Variants in VSIG1 observed in about 807,000 individuals in gnomAD.
VSIG1 encodes the protein V-set and immunoglobulin domain-containing protein 1.
A neutral mutation model predicts 20.1 loss-of-function variants in VSIG1; 11 were observed. The ratio of observed to expected loss-of-function variants is 0.55; its 90% CI spans 0.34 to 0.91. The LOEUF (loss-of-function observed/expected upper bound fraction) is 0.91, where lower values mean the gene tolerates loss of function less well. Among genes scored for constraint, VSIG1 ranks in the 40% least tolerant of loss-of-function variants. The pLI, the probability that VSIG1 is intolerant of heterozygous loss-of-function variation, is 0.02. For synonymous variants in VSIG1, 126 were observed against 116.7 expected (o/e 1.08, Z -0.52); for missense variants, 283 against 298.8 (o/e 0.95, Z 0.39).
intron 1 of VSIG1, among the ~76,000 whole-genome samples, chrX:108,056,472 A>G (rs182084805): frequency 8.9e-6 from 1 of 112,155 alleles, no homozygotes; most frequent in East Asian, 2.8e-4. Context: ...AAATGAAGAA[A>G]TAAAACTCTC....
chrX:108,021,034 G>A, the VSIG1 span, among the ~76,000 whole-genome samples: 1 of 111,916 alleles, frequency 8.9e-6, no homozygotes, highest in African/African-American at 3.3e-5. Flanking sequence ...TACTCTCAAT[G>A]CTTCCCATGA....
chrX:108,042,319 TC>T (rs1242545543), upstream of VSIG1, among the ~76,000 whole-genome samples: 3 of 111,894 alleles, frequency 2.7e-5, no homozygotes, highest in African/African-American at 9.7e-5. Context: ...GCTGCACTCA[TC>T]TTAGGGCCAA....
intron 3 of VSIG1, among the ~76,000 whole-genome samples, chrX:108,069,110 A>G (rs1253277966): frequency 8.9e-6 from 1 of 111,792 alleles, no homozygotes; most frequent in African/African-American, 3.3e-5. Context: ...TCTTCATCTC[A>G]GAGCTTGGAA....
At chrX:108,064,175 T>C (rs1569290921) in intron 2 of VSIG1, among the ~76,000 whole-genome samples, 1 of 111,831 alleles carries the variant, frequency 8.9e-6, no homozygotes, top group East Asian at 2.8e-4. Context: ...GGACTTCCCC[T>C]TAACAGAAAG....
chrX:108,075,348 A>G (rs1417950610), intron 5 of VSIG1, among the ~76,000 whole-genome samples: 2 of 112,058 alleles, frequency 1.8e-5, no homozygotes, highest in Non-Finnish European at 3.8e-5. Flanking sequence ...CGGGCAGGGA[A>G]CTGCTGTTTT....
At chrX:108,047,823 T>C (rs1321232403) in intron 1 of VSIG1, among the ~76,000 whole-genome samples, 2 of 60,775 alleles carry the variant, frequency 3.3e-5, no homozygotes, top group Non-Finnish European at 6.1e-5. Context: ...TATATATACA[T>C]ATATATACAC....
the VSIG1 span, among the ~76,000 whole-genome samples, chrX:108,021,576 T>G: frequency 1.8e-5 from 2 of 112,679 alleles, no homozygotes; most frequent in Non-Finnish European, 3.7e-5. Context: ...GTCCAATCTA[T>G]TTTTAATTCT....
At chrX:108,032,421 G>T in the VSIG1 span, among the ~76,000 whole-genome samples, 2 of 111,828 alleles carry the variant, frequency 1.8e-5, no homozygotes, top group African/African-American at 3.3e-5. Context: ...ATGCAGGAAT[G>T]AACATACCAG....
chrX:108,046,071 T>C (rs756944498), intron 1 of VSIG1, among the ~76,000 whole-genome samples: 53 of 111,684 alleles, frequency 4.7e-4, no homozygotes, highest in Middle Eastern at 4.6e-3. Flanking sequence ...GAAGTGCTCA[T>C]GGTGGTTGCC....
intron 1 of VSIG1, among the ~76,000 whole-genome samples, chrX:108,047,961 C>CATATATATAT (rs1172282311): frequency 1.0e-4 from 2 of 19,930 alleles, no homozygotes; most frequent in African/African-American, 3.6e-4. Flanking sequence ...TATACACACA[C>CATATATATAT]ATATATATAT....
intron 1 of VSIG1, among the ~76,000 whole-genome samples, chrX:108,048,419 G>T (rs1357653986): frequency 8.9e-6 from 1 of 112,513 alleles, no homozygotes; most frequent in Non-Finnish European, 1.9e-5. Flanking sequence ...TGCACAACGT[G>T]CAGGTAAGCA....
chrX:108,069,504 T>G (rs2031197710), intron 3 of VSIG1, among the ~76,000 whole-genome samples: 1 of 111,928 alleles, frequency 8.9e-6, no homozygotes, highest in African/African-American at 3.2e-5. Context: ...CAATTTTGCT[T>G]GCCCTGACTG....
At chrX:108,063,396 C>T (rs1690340704) in intron 2 of VSIG1, among the ~76,000 whole-genome samples, 1 of 111,342 alleles carries the variant, frequency 9.0e-6, no homozygotes, top group Non-Finnish European at 1.9e-5. Context: ...ATTGAGGCCT[C>T]GGTGTCCTTT....
chrX:108,035,562 T>C, the VSIG1 span, among the ~76,000 whole-genome samples: 4 of 110,309 alleles, frequency 3.6e-5, no homozygotes, highest in Non-Finnish European at 7.6e-5. Context: ...CATGATCAAA[T>C]CCTCCCAGAA....
chrX:108,073,636 C>G (rs756509932), intron 5 of VSIG1: 40 of 249,825 alleles, frequency 1.6e-4, no homozygotes, highest in Non-Finnish European at 2.5e-4. Context: ...CTATTCAATA[C>G]TAAAAAAGAA....
the VSIG1 span, among the ~76,000 whole-genome samples, chrX:108,038,865 T>A: frequency 8.9e-6 from 1 of 111,931 alleles, no homozygotes; most frequent in Non-Finnish European, 1.9e-5. Context: ...TTTAATAATA[T>A]GTTTTACTTA....
intron 1 of VSIG1, among the ~76,000 whole-genome samples, chrX:108,052,491 CT>C (rs2093681830): frequency 9.1e-6 from 1 of 110,362 alleles, no homozygotes; most frequent in African/African-American, 3.3e-5. Flanking sequence ...TGGCATGTGC[CT>C]GTGGTCCTAG....
intron 1 of VSIG1, among the ~76,000 whole-genome samples, chrX:108,054,331 C>T (rs750855596): frequency 9.0e-6 from 1 of 111,560 alleles, no homozygotes; most frequent in East Asian, 2.8e-4. Flanking sequence ...TTGGGAAATT[C>T]AATACCCCCT....
Position 108,077,689 on chromosome X carries a change from T to G in VSIG1, c.*308T>G, listed in dbSNP as rs2031378512. ...CCTGTGTTGTTATTTCAGAAAATAT[T>G]ATTTCTCTCTTTTTAACTACTCTTT... On this transcript the variant is annotated 3_prime_UTR_variant, in exon 7 of 7. Transcript: ENST00000217957. 1 of 262,228 alleles carries G rather than the reference T, an allele frequency of 3.8e-6. No individual in the cohort carries two copies. The highest frequency in any genetic ancestry group is 6.3e-5 in the East Asian group (1 of 15,913). The allele number at this position is 262,228 out of a possible 1,213,427, so 21.6% of individuals were successfully genotyped here. A position where few individuals can be genotyped will look rare whatever the true frequency, so the allele number is the denominator to read the frequency against.
Sources: allele counts gnomAD v4.1 joint callset (sites outside exome capture counted in the v4.1 genomes callset), GRCh38; gene constraint gnomAD v4.1.1; transcripts MANE v1.5; gene names NCBI Gene and HGNC (gene_info 2026-07-23, HGNC 2026-07-21).